The following TRIM24 variants were observed in gnomAD, a reference collection of about 807,000 sequenced individuals.
The protein encoded by TRIM24 is tripartite motif containing 24, also known as transcription intermediary factor 1-alpha.
Under a neutral mutation model 123.9 loss-of-function variants are expected in TRIM24, and 29 were observed. The observed-to-expected ratio is 0.23, with a 90% CI of 0.17 to 0.32. TRIM24 has a LOEUF of 0.32. Among genes scored for constraint, TRIM24 ranks in the 10% least tolerant of loss-of-function variants. The probability of loss-of-function intolerance (pLI) is 1.00; values close to 1 mark genes in which losing one functional copy is unlikely to be tolerated. For synonymous variants in TRIM24, 456 were observed against 461.1 expected, an observed-to-expected ratio of 0.99 and a Z score of 0.14; for missense variants, 932 against 1,295.3, an observed-to-expected ratio of 0.72 and a Z score of 4.31.
intron 1 of TRIM24, among the ~76,000 whole-genome samples, chr7:138,471,981 A>G (rs1584684230): frequency 6.6e-6 from 1 of 152,138 alleles, no homozygotes; most frequent in African/African-American, 2.4e-5. Context: ...TTACAGGGTC[A>G]TGCTCCTCCT....
At chr7:138,506,394 C>T (rs1796151615) in intron 2 of TRIM24, among the ~76,000 whole-genome samples, 1 of 152,294 alleles carries the variant, frequency 6.6e-6, no homozygotes, top group Non-Finnish European at 1.5e-5. Context: ...TGCATCATGT[C>T]ACTTTGCTTT....
At chr7:138,483,399 TATC>T (rs1342025024) in intron 1 of TRIM24, among the ~76,000 whole-genome samples, 2 of 152,250 alleles carry the variant, frequency 1.3e-5, no homozygotes, top group Non-Finnish European at 2.9e-5. Flanking sequence ...TTTCTTGCTT[TATC>T]ATGCTGCCTA....
chr7:138,537,727 C>A (rs1472105851), intron 6 of TRIM24, among the ~76,000 whole-genome samples: 2 of 152,218 alleles, frequency 1.3e-5, no homozygotes, highest in African/African-American at 4.8e-5. Context: ...GTTAGTAGTC[C>A]ATCAAACAGA....
At chr7:138,483,106 G>GT (rs1348836864) in intron 1 of TRIM24, among the ~76,000 whole-genome samples, 1 of 151,754 alleles carries the variant, frequency 6.6e-6, no homozygotes, top group South Asian at 2.1e-4. Flanking sequence ...TTTTGTAGCG[G>GT]GGGGGGTCTC....
At chr7:138,564,128 G>T (rs985256216) in intron 9 of TRIM24, among the ~76,000 whole-genome samples, 2 of 152,162 alleles carry the variant, frequency 1.3e-5, no homozygotes, top group Non-Finnish European at 2.9e-5. Context: ...GTAGGAGGGG[G>T]TATGGTGTTT....
chr7:138,511,232 G>C (rs1024229469), intron 2 of TRIM24, among the ~76,000 whole-genome samples: 1 of 152,114 alleles, frequency 6.6e-6, no homozygotes, highest in African/African-American at 2.4e-5. Context: ...AGGGGCAGCA[G>C]GCTTGTCTTA....
chr7:138,461,884 G>A (rs1794984406), intron 1 of TRIM24, among the ~76,000 whole-genome samples: 1 of 152,138 alleles, frequency 6.6e-6, no homozygotes, highest in Non-Finnish European at 1.5e-5. Context: ...AAGTAATTAT[G>A]CTAGGTCAAG....
intron 2 of TRIM24, among the ~76,000 whole-genome samples, chr7:138,506,765 G>A (rs1796159289): frequency 1.3e-5 from 2 of 152,076 alleles, no homozygotes; most frequent in South Asian, 4.1e-4. Context: ...GTTGATACTG[G>A]GCATGCATGG....
chr7:138,582,911 C>G (rs557054843), intron 17 of TRIM24, among the ~76,000 whole-genome samples: 1 of 152,120 alleles, frequency 6.6e-6, no homozygotes, highest in Non-Finnish European at 1.5e-5. Flanking sequence ...GTAAAGAAGT[C>G]GAGAGGCTTG....
intron 2 of TRIM24, among the ~76,000 whole-genome samples, chr7:138,505,499 T>G (rs1225289166): frequency 1.4e-5 from 2 of 143,248 alleles, no homozygotes; most frequent in Admixed American, 1.4e-4. Context: ...ATTTGTTTTT[T>G]GGGGGTGGTG....
Position 138,460,768 on chromosome 7 carries a change from C to A in TRIM24, c.220C>A (p.Leu74Met). Residue 74 changes from leucine (L) to methionine (M), a missense_variant, in exon 1 of 19, where the codon CTG (leucine) becomes ATG (methionine). Coordinates refer to ENST00000343526, the MANE Select transcript of TRIM24 (RefSeq NM_015905.3). ...QSRAPKLLPC[L>M]HSFCQRCLPA... Reference sequence around the variant, plus strand: ...CCGGGCGCCCAAGCTGCTGCCCTGCCTGCACTCTTTCTGCCAGCGCTGCCT... The same window carrying A: ...CCGGGCGCCCAAGCTGCTGCCCTGCATGCACTCTTTCTGCCAGCGCTGCCT... The A allele has an allele frequency of 1.9e-6, 3 of 1,583,820 alleles. No homozygotes were observed. The highest frequency in any genetic ancestry group is 2.6e-6 in the Non-Finnish European group (3 of 1,167,820).
intron 18 of TRIM24, 141 bp from the exon 19 acceptor site, chr7:138,584,601 C>CA (rs565934376): frequency 4.1e-4 from 257 of 623,326 alleles, no homozygotes; most frequent in Admixed American, 6.5e-4. Flanking sequence ...AGCTGGCCTT[C>CA]TGTACAGAGA....
chr7:138,473,074 G>A (rs542295950), intron 1 of TRIM24, among the ~76,000 whole-genome samples: 1 of 152,168 alleles, frequency 6.6e-6, no homozygotes, highest in Admixed American at 6.5e-5. Context: ...GAGGTCAGGA[G>A]TTCGAGACCA....
chr7:138,467,467 GA>G (rs1260805405), intron 1 of TRIM24, among the ~76,000 whole-genome samples: 1 of 152,140 alleles, frequency 6.6e-6, no homozygotes, highest in African/African-American at 2.4e-5. Flanking sequence ...TCAGCCTCCT[GA>G]GTAGCTGGGA....
chr7:138,565,086 CAG>C (rs1233702540), intron 9 of TRIM24, among the ~76,000 whole-genome samples: 4 of 152,140 alleles, frequency 2.6e-5, no homozygotes, highest in East Asian at 1.9e-4. Context: ...ATGGTTCTCT[CAG>C]AGTGTATGGT....
intron 1 of TRIM24, among the ~76,000 whole-genome samples, chr7:138,502,850 T>C (rs1185956062): frequency 6.6e-6 from 1 of 152,218 alleles, no homozygotes; most frequent in Middle Eastern, 3.2e-3. Flanking sequence ...TAGCTGTAGT[T>C]CTGTAACAAA....
At chr7:138,557,705 T>G (rs889543577) in intron 9 of TRIM24, among the ~76,000 whole-genome samples, 91 of 152,348 alleles carry the variant, frequency 6.0e-4, no homozygotes, top group African/African-American at 1.9e-3. Flanking sequence ...CATTGAACTT[T>G]CTGCATACCC....
chr7:138,534,911 C>CAT (rs1259925683), intron 6 of TRIM24, among the ~76,000 whole-genome samples: 7 of 152,150 alleles, frequency 4.6e-5, no homozygotes, highest in Non-Finnish European at 7.4e-5. Context: ...GTATTGGGTG[C>CAT]ATATATGTTT....
At chr7:138,534,720 T>C (rs941610488) in intron 6 of TRIM24, among the ~76,000 whole-genome samples, 4 of 152,226 alleles carry the variant, frequency 2.6e-5, no homozygotes, top group African/African-American at 9.6e-5. Flanking sequence ...TCTGTAGATA[T>C]CTATTAGGTC....
Sources: gnomAD v4.1 joint callset for allele counts (sites outside exome capture counted in the v4.1 genomes callset) on GRCh38, gnomAD v4.1.1 for gene constraint, MANE v1.5 for transcripts, NCBI Gene and HGNC (gene_info 2026-07-23, HGNC 2026-07-21) for gene names.